The following CCDC39 variants were observed in gnomAD, a reference collection of about 807,000 sequenced individuals.
CCDC39 encodes coiled-coil domain-containing protein 39.
CCDC39 carries 113 observed loss-of-function variants against 121.0 expected under a neutral mutation model. The ratio of observed to expected loss-of-function variants is 0.93; its 90% CI spans 0.80 to 1.09. CCDC39 has a LOEUF of 1.09. CCDC39 is among the 50% of genes least tolerant of loss of function. The pLI is 0.00. For missense variants in CCDC39, 1,063 were observed against 1,074.7 expected, an observed-to-expected ratio of 0.99 and a Z score of 0.15; for synonymous variants, 349 against 352.2, an observed-to-expected ratio of 0.99 and a Z score of 0.10.
intron 8 of CCDC39, among the ~76,000 whole-genome samples, chr3:180,651,822 G>T (rs570957490): frequency 6.6e-6 from 1 of 152,260 alleles, no homozygotes; most frequent in Admixed American, 6.5e-5. Context: ...CAGATCACGA[G>T]GTCAGGAGAT....
At chr3:180,642,348 T>C (rs114999379) in intron 12 of CCDC39, 147 bp from the exon 13 acceptor site, 1 of 434,266 alleles carries the variant, frequency 2.3e-6, no homozygotes, top group South Asian at 6.5e-5. Context: ...CTAAAATTGA[T>C]CATAGTTTTT....
At chr3:180,647,302 G>T in intron 10 of CCDC39, 59 bp from the exon 11 acceptor site, 1 of 1,422,390 alleles carries the variant, frequency 7.0e-7, no homozygotes, top group Admixed American at 2.7e-5. Flanking sequence ...TTCTACAAGT[G>T]TAAAAACAAA....
At chr3:180,628,289 C>T (rs564210834) in intron 14 of CCDC39, among the ~76,000 whole-genome samples, 1 of 152,298 alleles carries the variant, frequency 6.6e-6, no homozygotes, top group Non-Finnish European at 1.5e-5. Context: ...TGGCTCACTG[C>T]AAGCTCCGCC....
At position 180,616,809 on chromosome 3, in the gene CCDC39, T is replaced by C; in HGVS notation, c.2406+17A>G. 6 of 1,605,692 alleles carry C rather than the reference T, an allele frequency of 3.7e-6. No homozygotes were observed. The highest frequency in any genetic ancestry group is 5.1e-6 in the Non-Finnish European group (6 of 1,175,888). On this transcript the variant is annotated intron_variant, in intron 17 of 19. Transcript: ENST00000476379. ...AAATGTAAATATGAAAGGTCAGTTT[T>C]TAAAAGATATCGATACCTGTTTGGT...
At position 180,614,794 on chromosome 3, in the gene CCDC39, T is replaced by TATCA. The variant is rs1396372057; in HGVS notation, c.*123_*126dup. On this transcript the variant is annotated 3_prime_UTR_variant, in exon 20 of 20. Transcript: ENST00000476379. ...GAGAACGTTCCTTTTTTTTTAAAAC[T>TATCA]ATCAGTTTTTACACTTACCACTAAG... 1.4e-6 allele frequency: 1 copy of TATCA among 740,086 alleles called. No individual in the cohort carries two copies. Among genetic ancestry groups the TATCA allele is most frequent in the Non-Finnish European group, 2.1e-6 (1 of 484,238 alleles). The allele number at this position is 740,086 out of a possible 1,614,324, so 45.8% of individuals were successfully genotyped here.
intron 12 of CCDC39, among the ~76,000 whole-genome samples, chr3:180,642,439 A>G (rs990598449): frequency 1.3e-5 from 2 of 152,084 alleles, no homozygotes; most frequent in African/African-American, 2.4e-5. Flanking sequence ...TTGCTATTAT[A>G]AAAAACAAAG....
intron 14 of CCDC39, among the ~76,000 whole-genome samples, chr3:180,630,715 C>T (rs979008763): frequency 5.9e-5 from 9 of 152,238 alleles, no homozygotes; most frequent in African/African-American, 2.2e-4. Context: ...GCATTCAATT[C>T]CACATCACTT....
intron 1 of CCDC39, among the ~76,000 whole-genome samples, chr3:180,671,889 C>T (rs1712058397): frequency 6.6e-6 from 1 of 152,174 alleles, no homozygotes; most frequent in South Asian, 2.1e-4. Flanking sequence ...AGTGAGATAG[C>T]AAGTTCTGAT....
At chr3:180,617,466 A>C in intron 16 of CCDC39, 1 of 688,730 alleles carries the variant, frequency 1.5e-6, no homozygotes, top group South Asian at 1.6e-5. Flanking sequence ...CATTGTTATC[A>C]TAGATGACAG....
intron 9 of CCDC39, among the ~76,000 whole-genome samples, chr3:180,651,139 G>C (rs550022685): frequency 1.3e-5 from 2 of 152,080 alleles, no homozygotes; most frequent in South Asian, 4.2e-4. Context: ...AGGTTGCAGT[G>C]AGCCAAGATC....
chr3:180,636,275 C>T (rs150945643), intron 13 of CCDC39, among the ~76,000 whole-genome samples: 45 of 152,194 alleles, frequency 3.0e-4, no homozygotes, highest in African/African-American at 8.2e-4. Flanking sequence ...ACAAAATCAA[C>T]GTATAAAAAT....
At chr3:180,667,692 A>G (rs1159359000) in intron 1 of CCDC39, among the ~76,000 whole-genome samples, 4 of 152,132 alleles carry the variant, frequency 2.6e-5, no homozygotes, top group East Asian at 1.9e-4. Flanking sequence ...TTGAAACACA[A>G]TATTGAAATT....
At chr3:180,617,391 T>G in intron 16 of CCDC39, 1 of 635,138 alleles carries the variant, frequency 1.6e-6, no homozygotes, top group Non-Finnish European at 2.8e-6. Flanking sequence ...GTACTCCTAT[T>G]TATTTAAAAA....
intron 6 of CCDC39, among the ~76,000 whole-genome samples, chr3:180,655,543 A>G (rs990623903): frequency 2.0e-5 from 3 of 150,284 alleles, no homozygotes; most frequent in African/African-American, 4.9e-5. Context: ...ATAGGGAAGA[A>G]AAAAAAAAAG....
chr3:180,619,673 G>T, intron 15 of CCDC39, 138 bp downstream of exon 15: 1 of 583,950 alleles, frequency 1.7e-6, no homozygotes. Context: ...GTCGTGGGGG[G>T]AGGAAAGAAA....
At chr3:180,652,964 T>C (rs1711510412) in intron 7 of CCDC39, among the ~76,000 whole-genome samples, 2 of 152,326 alleles carry the variant, frequency 1.3e-5, no homozygotes, top group South Asian at 4.1e-4. Context: ...GAAAAAGATC[T>C]GTACACTAAA....
intron 12 of CCDC39, among the ~76,000 whole-genome samples, chr3:180,643,278 C>T (rs978225758): frequency 2.0e-5 from 3 of 151,694 alleles, no homozygotes; most frequent in African/African-American, 7.3e-5. Context: ...AATATTTTTA[C>T]ATATGAAAAT....
chr3:180,652,247 G>GT lies in CCDC39; in HGVS notation c.949dup (p.Thr317AsnfsTer4). ...TAAATCACTGGAAGTTCTATTCACA[G>GT]TGGCTTTTAAAGAATCCAGCTATTT... On this transcript the variant is annotated frameshift_variant, in exon 8 of 20. Coordinates refer to ENST00000476379, the MANE Select transcript of CCDC39 (RefSeq NM_181426.2). LOFTEE classifies it high-confidence loss of function. 1 of 1,528,334 alleles carries GT rather than the reference G, an allele frequency of 6.5e-7. No individual in the cohort carries two copies. The highest frequency in any genetic ancestry group is 2.1e-5 in the Admixed American group (1 of 48,296). 94.7% of individuals were successfully genotyped at this position (1,528,334 alleles called of 1,614,324 possible).
intron 2 of CCDC39, 102 bp downstream of exon 2, chr3:180,663,765 G>T: frequency 1.8e-6 from 2 of 1,102,794 alleles, no homozygotes; most frequent in Non-Finnish European, 2.6e-6. Context: ...GTTTAATTAT[G>T]CTAAGGTTTC....
Sources: allele counts gnomAD v4.1 joint callset (sites outside exome capture counted in the v4.1 genomes callset), GRCh38; gene constraint gnomAD v4.1.1; transcripts MANE v1.5; gene names NCBI Gene and HGNC (gene_info 2026-07-23, HGNC 2026-07-21).